The following RALGDS variants were observed in gnomAD, a reference collection of about 807,000 sequenced individuals.
The protein encoded by RALGDS is ral guanine nucleotide dissociation stimulator.
In RALGDS, 44 loss-of-function variants were observed where a neutral mutation model predicts 99.8. That is an observed-to-expected ratio of 0.44 (90% CI 0.35 to 0.57). The LOEUF (loss-of-function observed/expected upper bound fraction) is 0.57, where lower values mean the gene tolerates loss of function less well. Ranked by LOEUF, RALGDS falls within the 20% of genes least tolerant of loss-of-function variation. The pLI, the probability that RALGDS is intolerant of heterozygous loss-of-function variation, is 0.01. For missense variants in RALGDS, 1,022 were observed against 1,203.1 expected (o/e 0.85, Z 2.23); for synonymous variants, 529 against 505.0 (o/e 1.05, Z -0.64).
Position 133,109,667 on chromosome 9 carries a change from G to C in RALGDS, c.543C>G (p.Pro181=), listed in dbSNP as rs754616254. 7 of 1,613,974 alleles carry C rather than the reference G, an allele frequency of 4.3e-6. No homozygotes were observed. The East Asian group carries it at 1.1e-4, about 26-fold the overall frequency. The part of the protein sequence containing the change: ...TASSRYGCIL[P]YSDEDGGPQD... ...GGGGTCCACCATCCTCGTCGGAATA[G>C]GGGAGGATGCAGCCGTATCTAGAGG... Residue 181 remains proline (P), a synonymous_variant, in exon 4 of 18, where the codon CCC becomes CCG. Transcript: ENST00000372050.
At chr9:133,143,873 G>A (rs1208761947) in intron 1 of RALGDS, among the ~76,000 whole-genome samples, 3 of 149,904 alleles carry the variant, frequency 2.0e-5, no homozygotes, top group African/African-American at 5.0e-5. Context: ...GGCCCGCTGT[G>A]CACTCCGCTC....
intron 16 of RALGDS, 64 bp downstream of exon 16, chr9:133,101,456 A>G (rs1176377852): frequency 6.2e-7 from 1 of 1,605,456 alleles, no homozygotes. Flanking sequence ...GGGATGGTGC[A>G]CTGTGTTCAG....
chr9:133,120,939 GCACCCCCCGCCCGACCGCCCCAGCT>G lies in RALGDS; in HGVS notation c.183+8_183+32del, dbSNP rs1831900796. The G allele has an allele frequency of 2.7e-6, 4 of 1,466,636 alleles. No homozygotes were observed. In the Admixed American group the frequency reaches 9.3e-5, roughly 34 times the overall value. The allele number at this position is 1,466,636 out of a possible 1,614,324, so 90.9% of individuals were successfully genotyped here. On this transcript the variant is annotated splice_region_variant and intron_variant, in intron 1 of 17. Coordinates refer to ENST00000372050, the MANE Select transcript of RALGDS (RefSeq NM_006266.4). ...CTGCCGCGGGTGGGGAGGCTCCGAC[GCACCCCCCGCCCGACCGCCCCAGCT>G]CACCCACCTCCGGGCGCGGCAGGTC...
chr9:133,101,092 C>A, intron 16 of RALGDS: 1 of 1,127,858 alleles, frequency 8.9e-7, no homozygotes, highest in South Asian at 2.2e-5. Context: ...CTGCTGGCCC[C>A]TTCCAGGGCT....
chr9:133,098,380 G>C lies in RALGDS; in HGVS notation c.*207C>G. 1 of 601,940 alleles carries C rather than the reference G, an allele frequency of 1.7e-6. No individual in the cohort carries two copies. The highest frequency in any genetic ancestry group is 1.9e-5 in the South Asian group (1 of 51,366). The allele number at this position is 601,940 out of a possible 1,614,324, so 37.3% of individuals were successfully genotyped here. A position where few individuals can be genotyped will look rare whatever the true frequency, so the allele number is the denominator to read the frequency against. ...AGTCCTCTGGTTCCAGAGAGCAGAA[G>C]GCACCTAAGGCAGCGAGTGGTCCAC... is the stretch of plus-strand genomic sequence containing the variant. On this transcript the variant is annotated 3_prime_UTR_variant, in exon 18 of 18. Transcript: ENST00000372050.
intron 1 of RALGDS, among the ~76,000 whole-genome samples, chr9:133,141,971 CGGTACCACACGT>C (rs1433020908): frequency 3.3e-5 from 5 of 152,226 alleles, no homozygotes; most frequent in African/African-American, 7.2e-5. Flanking sequence ...GCAAAGCACA[CGGTACCACACGT>C]GGTACCCCAT....
Position 133,101,263 on chromosome 9 carries a change from C to A in RALGDS, c.2454+257G>T, listed in dbSNP as rs1244589362. On this transcript the variant is annotated intron_variant, in intron 16 of 17. Coordinates refer to ENST00000372050, the MANE Select transcript of RALGDS (RefSeq NM_006266.4). ...GGCCTATGTGGCCAGGCCCTGGATA[C>A]TTCCCTGACCTCACCTCCCCTACAG... 4.5e-6 allele frequency: 6 copies of A among 1,345,314 alleles called. No individual in the cohort carries two copies. In the South Asian group the frequency reaches 7.2e-5, roughly 16 times the overall value. 83.3% of individuals were successfully genotyped at this position (1,345,314 alleles called of 1,614,324 possible). A position where few individuals can be genotyped will look rare whatever the true frequency, so the allele number is the denominator to read the frequency against.
upstream of RALGDS, among the ~76,000 whole-genome samples, chr9:133,135,403 A>G (rs1413596584): frequency 6.6e-6 from 1 of 152,116 alleles, no homozygotes; most frequent in Middle Eastern, 3.2e-3. Context: ...GCCGGCCCCT[A>G]TTACCAGCCC....
In RALGDS at chr9:133,098,027, TTC is replaced by T. The variant is rs774035760; in HGVS notation, c.*558_*559del. The T allele has an allele frequency of 7.5e-5, 19 of 254,704 alleles. No homozygotes were observed. Among genetic ancestry groups the T allele is most frequent in the Non-Finnish European group, 1.1e-4 (15 of 130,572 alleles). The allele number at this position is 254,704 out of a possible 1,614,324, so 15.8% of individuals were successfully genotyped here. ...GCAGAGTCTGGTCCATGAAGAGGGT[TTC>T]TCTCTCTGCTCCCAGGGGAGGGCTG... On this transcript the variant is annotated 3_prime_UTR_variant, in exon 18 of 18. Transcript: ENST00000372050.
intron 7 of RALGDS, among the ~76,000 whole-genome samples, 165 bp downstream of exon 7, chr9:133,106,920 A>C (rs950698916): frequency 2.6e-5 from 4 of 152,218 alleles, no homozygotes; most frequent in Non-Finnish European, 4.4e-5. Context: ...ACCCAAGGAA[A>C]GAGTGTAAGG....
chr9:133,139,868 C>A (rs1233983892), intron 1 of RALGDS, among the ~76,000 whole-genome samples: 1 of 152,166 alleles, frequency 6.6e-6, no homozygotes, highest in Non-Finnish European at 1.5e-5. Flanking sequence ...CATCCGTAGG[C>A]CCACAGAGGA....
chr9:133,141,423 T>G (rs1832519697), intron 1 of RALGDS, among the ~76,000 whole-genome samples: 1 of 150,318 alleles, frequency 6.7e-6, no homozygotes, highest in Non-Finnish European at 1.5e-5. Context: ...GCAGGGTGGG[T>G]GCCCACAAAC....
rs1021118238 is a variant in RALGDS at position 133,138,097 on chromosome 9, GCTA to G, written c.18+10863_18+10865del. 2.0e-5 allele frequency among the ~76,000 whole-genome samples: 3 copies of G among 152,228 alleles called. No individual in the cohort carries two copies. In the South Asian group the frequency reaches 6.2e-4, roughly 31 times the overall value. Reference sequence around the variant, plus strand: ...AGGGGCTGAGGGCCTGGGAAGTGGGGCTACTGTTTCCAAAGGGAACCTCCTAAG... The same window carrying G: ...AGGGGCTGAGGGCCTGGGAAGTGGGGCTGTTTCCAAAGGGAACCTCCTAAG... On this transcript the variant is annotated intron_variant, in intron 1 of 17. Coordinates refer to the RALGDS transcript ENST00000393160.
At position 133,127,301 on chromosome 9, in the gene RALGDS, C is replaced by T. The variant is rs536879573; in HGVS notation, c.132+3651G>A. ...GCGGGAACTGGGCACAGGGCAGTGA[C>T]TGGGTGACTGTGGCCTTTGGCCATC... On this transcript the variant is annotated intron_variant, in intron 1 of 17. Transcript: ENST00000372062. 2.0e-5 allele frequency among the ~76,000 whole-genome samples: 3 copies of T among 152,360 alleles called. No homozygotes were observed. The South Asian group carries it at 6.2e-4, about 32-fold the overall frequency.
chr9:133,129,412 A>G, intron 1 of RALGDS: 1 of 1,428,988 alleles, frequency 7.0e-7, no homozygotes, highest in Non-Finnish European at 9.1e-7. Context: ...GGAGCACCCG[A>G]GTGCCTGGGC....
upstream of RALGDS, among the ~76,000 whole-genome samples, chr9:133,126,031 T>C (rs1832142888): frequency 6.6e-6 from 1 of 152,058 alleles, no homozygotes; most frequent in African/African-American, 2.4e-5. Context: ...CTTGGGTGGG[T>C]TTGACACTCA....
chr9:133,117,581 G>A (rs1437592889), intron 1 of RALGDS, among the ~76,000 whole-genome samples: 2 of 152,264 alleles, frequency 1.3e-5, no homozygotes, highest in South Asian at 2.1e-4. Context: ...TGGGAGAATT[G>A]GGTCTGCTCA....
chr9:133,105,877 CAG>C, intron 9 of RALGDS, 53 bp downstream of exon 9: 18 of 53,436 alleles, frequency 3.4e-4, no homozygotes, highest in South Asian at 2.3e-3. Context: ...GCCCCCGCCC[CAG>C]CCCCCGCCCC....
Position 133,106,820 on chromosome 9 carries a change from G to A in RALGDS, c.1414-72C>T, listed in dbSNP as rs4495558. The stretch of plus-strand genomic sequence containing the variant: ...GCTTGCCTGGCCTCAGTCCCCCTTG[G>A]CCAAGCCTCCCCTCCTAATGAGACA... On this transcript the variant is annotated intron_variant, in intron 7 of 17. Coordinates refer to ENST00000372050, the MANE Select transcript of RALGDS (RefSeq NM_006266.4). The A allele has an allele frequency of 4.4e-4, 544 of 1,223,492 alleles. 4 individuals carry two copies. In the African/African-American group the frequency reaches 7.1e-3, roughly 16 times the overall value. The allele number at this position is 1,223,492 out of a possible 1,614,324, so 75.8% of individuals were successfully genotyped here.
Sources: gnomAD v4.1 joint callset for allele counts (sites outside exome capture counted in the v4.1 genomes callset) on GRCh38, gnomAD v4.1.1 for gene constraint, MANE v1.5 for transcripts, NCBI Gene and HGNC (gene_info 2026-07-23, HGNC 2026-07-21) for gene names.